FGF14: variants seen among roughly 807,000 people sequenced by gnomAD.
The protein encoded by FGF14 is fibroblast growth factor 14.
FGF14 carries 5 observed loss-of-function variants against 25.5 expected under a neutral mutation model. The ratio of observed to expected loss-of-function variants is 0.20; its 90% CI spans 0.10 to 0.41. The LOEUF is 0.41. FGF14 is among the 10% of genes least tolerant of loss of function. The probability of loss-of-function intolerance (pLI) is 1.00; values close to 1 mark genes in which losing one functional copy is unlikely to be tolerated. For synonymous variants in FGF14, 138 were observed against 118.3 expected, an observed-to-expected ratio of 1.17 and a Z score of -1.08; for missense variants, 222 against 320.1, an observed-to-expected ratio of 0.69 and a Z score of 2.34.
chr13:101,985,755 A>G (rs1390144080), intron 1 of FGF14, among the ~76,000 whole-genome samples: 1 of 152,180 alleles, frequency 6.6e-6, no homozygotes, highest in East Asian at 1.9e-4. Flanking sequence ...TCAGTTTACA[A>G]CAAAAATTAA....
chr13:101,773,657 A>G (rs902029720), intron 3 of FGF14, among the ~76,000 whole-genome samples: 2 of 151,886 alleles, frequency 1.3e-5, no homozygotes, highest in Non-Finnish European at 2.9e-5. Context: ...TGAAGAAGGT[A>G]CATCTTAAGA....
At chr13:102,025,415 G>A (rs1220944166) in intron 1 of FGF14, among the ~76,000 whole-genome samples, 4 of 151,942 alleles carry the variant, frequency 2.6e-5, no homozygotes, top group South Asian at 2.1e-4. Flanking sequence ...AACAAGTATT[G>A]TACTTTTTTT....
intron 1 of FGF14, among the ~76,000 whole-genome samples, chr13:102,175,545 G>A (rs1457895285): frequency 6.6e-6 from 1 of 151,986 alleles, no homozygotes; most frequent in South Asian, 2.1e-4. Flanking sequence ...ATCCTCAAAA[G>A]CAAATGTTAA....
At chr13:102,002,653 C>T (rs904342870) in intron 1 of FGF14, 7 of 153,986 alleles carry the variant, frequency 4.5e-5, no homozygotes, top group African/African-American at 1.7e-4. Context: ...GACTGTTGAT[C>T]ACTTTATTGC....
At chr13:101,938,031 A>G (rs2035215854) in intron 1 of FGF14, among the ~76,000 whole-genome samples, 1 of 152,234 alleles carries the variant, frequency 6.6e-6, no homozygotes, top group Non-Finnish European at 1.5e-5. Flanking sequence ...GCCTGCCTTC[A>G]TGCACCGAAT....
At chr13:101,823,835 A>T (rs1332322444) in intron 3 of FGF14, among the ~76,000 whole-genome samples, 6 of 149,582 alleles carry the variant, frequency 4.0e-5, no homozygotes, top group South Asian at 2.1e-4. Context: ...TATATATATA[A>T]AATAGTATCT....
chr13:101,913,039 C>T (rs1235130108), intron 1 of FGF14, among the ~76,000 whole-genome samples: 1 of 152,060 alleles, frequency 6.6e-6, no homozygotes, highest in Non-Finnish European at 1.5e-5. Context: ...GTATGAAATA[C>T]CACAGGAGAA....
intron 3 of FGF14, chr13:101,801,822 C>G (rs543707939): frequency 4.7e-6 from 1 of 210,552 alleles, no homozygotes; most frequent in South Asian, 8.0e-5. Context: ...CTGGAGAGCA[C>G]TAAGCCAAGG....
chr13:102,315,152 C>T (rs1434118151), intron 1 of FGF14, among the ~76,000 whole-genome samples: 1 of 152,018 alleles, frequency 6.6e-6, no homozygotes, highest in African/African-American at 2.4e-5. Flanking sequence ...TTATATCACA[C>T]ACACACACAT....
intron 3 of FGF14, among the ~76,000 whole-genome samples, chr13:101,839,561 G>T (rs1049219892): frequency 6.6e-6 from 1 of 151,936 alleles, no homozygotes; most frequent in Non-Finnish European, 1.5e-5. Flanking sequence ...AATAGTAGAT[G>T]TATATATTTA....
chr13:101,968,854 C>CTTT (rs10623595), intron 1 of FGF14, among the ~76,000 whole-genome samples: 3,692 of 132,032 alleles, frequency 0.028, 117 homozygotes, highest in African/African-American at 0.062. Context: ...CATCAACAGC[C>CTTT]TTTTTTTTTT....
intron 3 of FGF14, among the ~76,000 whole-genome samples, chr13:101,770,328 CGTT>C (rs1364640331): frequency 6.6e-6 from 1 of 151,898 alleles, no homozygotes; most frequent in African/African-American, 2.4e-5. Context: ...ATCTTTACCT[CGTT>C]ATTGTATATA....
chr13:102,271,542 A>G (rs1006201075), intron 1 of FGF14, among the ~76,000 whole-genome samples: 1 of 152,206 alleles, frequency 6.6e-6, no homozygotes, highest in African/African-American at 2.4e-5. Flanking sequence ...ATTCTTTTGG[A>G]AAGCCCCAGA....
chr13:101,847,592 T>C lies in FGF14; in HGVS notation c.408+21133A>G, dbSNP rs116164804. ...CATGATAATTAGCCAAGTATTGGGGTGATTGATGGAAATCAAGTTTCTGTT... is the reference window on the plus strand; with the variant it reads ...CATGATAATTAGCCAAGTATTGGGGCGATTGATGGAAATCAAGTTTCTGTT... On this transcript the variant is annotated intron_variant, in intron 3 of 4. Transcript: ENST00000376143. Among the ~76,000 whole-genome samples, 835 of 152,200 alleles carry C rather than the reference T, an allele frequency of 5.5e-3. 16 individuals are homozygous for C. The highest frequency in any genetic ancestry group is 0.019 in the African/African-American group (794 of 41,558).
intron 1 of FGF14, among the ~76,000 whole-genome samples, chr13:102,023,791 C>G (rs2040792272): frequency 6.6e-6 from 1 of 151,926 alleles, no homozygotes; most frequent in Admixed American, 6.6e-5. Context: ...TAAGGCCTCA[C>G]TTGGAAAGTT....
chr13:101,811,544 G>A (rs2041509398), intron 3 of FGF14, among the ~76,000 whole-genome samples: 1 of 152,058 alleles, frequency 6.6e-6, no homozygotes, highest in Non-Finnish European at 1.5e-5. Context: ...CCATGTTTTG[G>A]GAATTATGAA....
intron 1 of FGF14, among the ~76,000 whole-genome samples, chr13:102,068,963 T>G (rs2043033019): frequency 6.6e-6 from 1 of 152,190 alleles, no homozygotes. Context: ...TGGAGAGTCT[T>G]TATGTCTAGC....
At chr13:101,915,940 A>T (rs2033432992) in intron 1 of FGF14, among the ~76,000 whole-genome samples, 1 of 152,190 alleles carries the variant, frequency 6.6e-6, no homozygotes, top group Non-Finnish European at 1.5e-5. Context: ...CTTCTACAGC[A>T]GCTCCCGCTG....
chr13:101,868,512 C>A, intron 3 of FGF14: 1 of 520,130 alleles, frequency 1.9e-6, no homozygotes, highest in Non-Finnish European at 3.5e-6. Flanking sequence ...GGCAAAAGCA[C>A]TATTTAAGAC....
Sources: allele counts gnomAD v4.1 joint callset (sites outside exome capture counted in the v4.1 genomes callset), GRCh38; gene constraint gnomAD v4.1.1; transcripts MANE v1.5; gene names NCBI Gene and HGNC (gene_info 2026-07-23, HGNC 2026-07-21).